Variants in RBFOX2 observed in about 807,000 individuals in gnomAD.
RBFOX2 encodes RNA binding protein fox-1 homolog 2.
RBFOX2 carries 10 observed loss-of-function variants against 49.1 expected under a neutral mutation model. That is an observed-to-expected ratio of 0.20 (90% CI 0.13 to 0.35). The LOEUF is 0.35. Ranked by LOEUF, RBFOX2 falls within the 10% of genes least tolerant of loss-of-function variation. The pLI is 1.00. For missense variants in RBFOX2, 323 were observed against 486.9 expected, an observed-to-expected ratio of 0.66 and a Z score of 3.17; for synonymous variants, 183 against 187.4, an observed-to-expected ratio of 0.98 and a Z score of 0.19.
At chr22:35,923,240 C>A (rs963769948) in intron 1 of RBFOX2, among the ~76,000 whole-genome samples, 1 of 152,238 alleles carries the variant, frequency 6.6e-6, no homozygotes, top group Non-Finnish European at 1.5e-5. Flanking sequence ...GTCTGTCTGA[C>A]ACCAGAGTTC....
At chr22:35,761,181 A>C in intron 8 of RBFOX2, 21 bp downstream of exon 9, 1 of 1,605,170 alleles carries the variant, frequency 6.2e-7, no homozygotes, top group Non-Finnish European at 8.5e-7. Flanking sequence ...AATCCATGCC[A>C]GGCCAACATA....
chr22:36,024,600 G>A (rs1224791117), intron 1 of RBFOX2, among the ~76,000 whole-genome samples: 3 of 151,864 alleles, frequency 2.0e-5, no homozygotes, highest in East Asian at 2.0e-4. Context: ...AATTAGCGGG[G>A]TGTGGTGGCA....
At chr22:35,946,566 C>T (rs553635539) in intron 1 of RBFOX2, among the ~76,000 whole-genome samples, 31 of 152,274 alleles carry the variant, frequency 2.0e-4, no homozygotes, top group African/African-American at 6.3e-4. Flanking sequence ...GAATTCCTTC[C>T]CAACCCCCAC....
rs565539328 is a variant in RBFOX2 at position 35,896,497 on chromosome 22, C to A, written c.-34+42350G>T. Among the ~76,000 whole-genome samples, 11 of 152,306 alleles carry A rather than the reference C, an allele frequency of 7.2e-5. No individual in the cohort carries two copies. The East Asian group carries it at 2.1e-3, about 29-fold the overall frequency. ...TTATAAAATCTCCAAGTAAGGTCTACAAGTCTCACATTCAAGGTAGGCCCC... is the reference window on the plus strand; with the variant it reads ...TTATAAAATCTCCAAGTAAGGTCTAAAAGTCTCACATTCAAGGTAGGCCCC... On this transcript the variant is annotated intron_variant, in intron 1 of 13. Coordinates refer to the RBFOX2 transcript ENST00000359369.
intron 1 of RBFOX2, among the ~76,000 whole-genome samples, chr22:35,931,316 TAAAAA>T (rs75649440): frequency 7.4e-6 from 1 of 135,326 alleles, no homozygotes; most frequent in African/African-American, 2.8e-5. Context: ...CATGTTTAGT[TAAAAA>T]AAAAAAAAAA....
chr22:35,895,568 T>C (rs919184590), intron 1 of RBFOX2, among the ~76,000 whole-genome samples: 4 of 152,186 alleles, frequency 2.6e-5, no homozygotes, highest in Admixed American at 6.5e-5. Flanking sequence ...TAAAACTGAA[T>C]AGGCTTTTCA....
chr22:35,947,107 G>T (rs377417924), intron 1 of RBFOX2, among the ~76,000 whole-genome samples: 1 of 152,044 alleles, frequency 6.6e-6, no homozygotes, highest in African/African-American at 2.4e-5. Flanking sequence ...CACAAGAATC[G>T]CTTGAACCCA....
chr22:35,961,333 C>G (rs573318008), intron 1 of RBFOX2, among the ~76,000 whole-genome samples: 1 of 152,328 alleles, frequency 6.6e-6, no homozygotes, highest in South Asian at 2.1e-4. Context: ...ATTGCTACAT[C>G]TAGATGAGCT....
chr22:35,986,829 T>C (rs2057744915), intron 1 of RBFOX2, among the ~76,000 whole-genome samples: 1 of 152,208 alleles, frequency 6.6e-6, no homozygotes, highest in Non-Finnish European at 1.5e-5. Context: ...CATCAACTGC[T>C]TCACCTAAGT....
At chr22:35,922,324 T>C (rs1490849442) in intron 1 of RBFOX2, among the ~76,000 whole-genome samples, 5 of 152,048 alleles carry the variant, frequency 3.3e-5, no homozygotes, top group African/African-American at 9.7e-5. Context: ...CTCATGCCTG[T>C]AATCCCAGCA....
At chr22:36,023,591 A>G (rs1486323909) in intron 1 of RBFOX2, among the ~76,000 whole-genome samples, 1 of 152,200 alleles carries the variant, frequency 6.6e-6, no homozygotes, top group Non-Finnish European at 1.5e-5. Flanking sequence ...AATTTCATAC[A>G]TATTAAACTT....
intron 11 of RBFOX2, among the ~76,000 whole-genome samples, chr22:35,745,338 A>C (rs915408197): frequency 6.6e-6 from 1 of 152,210 alleles, no homozygotes; most frequent in African/African-American, 2.4e-5. Context: ...GTGGTTGGTC[A>C]GAAGAAATTA....
chr22:35,866,106 C>A (rs1603426052), intron 1 of RBFOX2, among the ~76,000 whole-genome samples: 2 of 152,068 alleles, frequency 1.3e-5, no homozygotes, highest in East Asian at 3.9e-4. Context: ...TAAAATTTCT[C>A]AAAAGGTTGG....
At chr22:35,858,938 CTGAA>C (rs1268391088) in intron 1 of RBFOX2, among the ~76,000 whole-genome samples, 1 of 151,408 alleles carries the variant, frequency 6.6e-6, no homozygotes, top group African/African-American at 2.4e-5. Flanking sequence ...TCAGAGGTAA[CTGAA>C]TGAATCACCA....
intron 1 of RBFOX2, among the ~76,000 whole-genome samples, chr22:35,866,125 T>G (rs1240847143): frequency 6.6e-6 from 1 of 152,194 alleles, no homozygotes; most frequent in Non-Finnish European, 1.5e-5. Flanking sequence ...GGTTTAGGGG[T>G]AAGCTTTTAA....
chr22:35,982,190 C>T (rs1316361252), intron 1 of RBFOX2, among the ~76,000 whole-genome samples: 1 of 152,150 alleles, frequency 6.6e-6, no homozygotes, highest in Non-Finnish European at 1.5e-5. Flanking sequence ...AAGAAAGCTG[C>T]TATACTTTTG....
chr22:35,771,830 G>A (rs1157398919), intron 4 of RBFOX2, among the ~76,000 whole-genome samples: 1 of 152,100 alleles, frequency 6.6e-6, no homozygotes, highest in African/African-American at 2.4e-5. Context: ...CAGAAACAGT[G>A]CTAAAGATGT....
chr22:35,986,616 C>A (rs1468011519), intron 1 of RBFOX2, among the ~76,000 whole-genome samples: 1 of 152,180 alleles, frequency 6.6e-6, no homozygotes, highest in African/African-American at 2.4e-5. Context: ...TTTATGCCCA[C>A]CCCCTTTAAG....
intron 1 of RBFOX2, among the ~76,000 whole-genome samples, chr22:35,935,661 C>T (rs1333283443): frequency 6.6e-6 from 1 of 152,124 alleles, no homozygotes; most frequent in African/African-American, 2.4e-5. Flanking sequence ...TACGAAGCCC[C>T]CACATGGTAA....
Sources: allele counts gnomAD v4.1 joint callset (sites outside exome capture counted in the v4.1 genomes callset), GRCh38; gene constraint gnomAD v4.1.1; transcripts MANE v1.5; gene names NCBI Gene and HGNC (gene_info 2026-07-23, HGNC 2026-07-21).